Variants in INTS2 observed in about 807,000 individuals in gnomAD.
The protein encoded by INTS2 is KIAA1287.
In INTS2, 57 loss-of-function variants were observed where a neutral mutation model predicts 139.6. That is an observed-to-expected ratio of 0.41 (90% confidence interval 0.33 to 0.51). The LOEUF (loss-of-function observed/expected upper bound fraction) is 0.51. INTS2 is among the 20% of genes least tolerant of loss of function. The pLI is 0.28. For missense variants in INTS2, 1,196 were observed against 1,436.7 expected (o/e 0.83, Z 2.71); for synonymous variants, 473 against 493.4 (o/e 0.96, Z 0.55).
At chr17:61,883,028 C>A (rs917583916) in intron 16 of INTS2, among the ~76,000 whole-genome samples, 1 of 152,028 alleles carries the variant, frequency 6.6e-6, no homozygotes, top group African/African-American at 2.4e-5. Flanking sequence ...TCGTAACAAT[C>A]AAAAATGGCA....
chr17:61,925,748 G>A (rs2079705028), intron 2 of INTS2, among the ~76,000 whole-genome samples: 2 of 151,844 alleles, frequency 1.3e-5, no homozygotes, highest in Admixed American at 1.3e-4. Context: ...CAAGAGGCTG[G>A]GCCCAGTGGC....
At position 61,926,392 on chromosome 17, in the gene INTS2, G is replaced by T; in HGVS notation, c.253C>A (p.His85Asn). ...SIVALLSVDF[H>N]ALEQDASKEQ... is the part of the protein sequence containing the mutation. Reference sequence around the variant, plus strand: ...TTGCTGGCATCTTGTTCTAAAGCATGAAAGTCCACGGACAACAATGCAACA... The same window carrying T: ...TTGCTGGCATCTTGTTCTAAAGCATTAAAGTCCACGGACAACAATGCAACA... The change falls in exon 2 of 25, where the codon CAT (histidine) becomes AAT (asparagine). Residue 85 changes from histidine (H) to asparagine (N), a missense_variant. His to Asn is a moderately conservative substitution (Grantham distance 68). This residue lies in a region of INTS2 where 1,129 missense variants were observed against 1,341.9 expected (regional missense o/e 0.84). Coordinates refer to ENST00000251334, the MANE Select transcript of INTS2 (RefSeq NM_001351695.2). The T allele has an allele frequency of 1.2e-6, 2 of 1,610,452 alleles. No individual in the cohort carries two copies. The highest frequency in any genetic ancestry group is 1.7e-6 in the Non-Finnish European group (2 of 1,177,042).
In INTS2 at chr17:61,873,014, T is replaced by G. The variant is rs151213845; in HGVS notation, c.2583-554A>C. 6.6e-6 allele frequency among the ~76,000 whole-genome samples: 1 copy of G among 152,152 alleles called. No homozygotes were observed. The highest frequency in any genetic ancestry group is 2.4e-5 in the African/African-American group (1 of 41,432). ...TGTAAACCAGTTCAGCCTTTCTACA[T>G]AGTAGAATGAAAATCTGAATTAAAA... On this transcript the variant is annotated intron_variant, in intron 19 of 24. Coordinates refer to ENST00000251334, the MANE Select transcript of INTS2 (RefSeq NM_001351695.2). This position sits in a 1 kb window ranked among gnomAD's most constrained non-coding sequence, Gnocchi z 4.0.
chr17:61,899,866 C>T (rs997602416), intron 9 of INTS2, among the ~76,000 whole-genome samples: 2 of 149,188 alleles, frequency 1.3e-5, no homozygotes, highest in South Asian at 2.1e-4. Flanking sequence ...GAGCCCTGAT[C>T]GTGCCACTGG....
rs1163977056 is a variant in INTS2, at chr17:61,870,022, G to A, written c.2779-34C>T. 2 of 1,561,394 alleles carry A rather than the reference G, an allele frequency of 1.3e-6. No individual in the cohort carries two copies. Among genetic ancestry groups the A allele is most frequent in the South Asian group, 1.2e-5 (1 of 84,890 alleles). On this transcript the variant is annotated intron_variant, in intron 20 of 24. Transcript: ENST00000251334. The surrounding 1 kb of genome is among the most constrained non-coding windows in gnomAD (Gnocchi z 4.4). Reference sequence around the variant, plus strand: ...AAACAAAACATAGAAAAAGTAAGAAGTTTCTAAGAAGTTAAAAAACAAATC... The same window carrying A: ...AAACAAAACATAGAAAAAGTAAGAAATTTCTAAGAAGTTAAAAAACAAATC...
intron 3 of INTS2, among the ~76,000 whole-genome samples, chr17:61,922,862 G>A (rs1266406401): frequency 6.6e-6 from 1 of 151,864 alleles, no homozygotes; most frequent in Non-Finnish European, 1.5e-5. Flanking sequence ...AGGATCACCT[G>A]AGGTCAGGAG....
At chr17:61,924,552 C>A (rs2079687681) in intron 3 of INTS2, among the ~76,000 whole-genome samples, 1 of 152,184 alleles carries the variant, frequency 6.6e-6, no homozygotes, top group African/African-American at 2.4e-5. Flanking sequence ...GGCACGGTGA[C>A]CCATGCCTGT....
chr17:61,921,838 A>G lies in INTS2; in HGVS notation c.433-11T>C. ...GTTGGACTCAGACACCTTAAAAAAG[A>G]AAAAAAAAAGATATAAACTCTATTA... On this transcript the variant is annotated splice_polypyrimidine_tract_variant and intron_variant, in intron 3 of 24. Transcript: ENST00000251334. 1 of 1,207,568 alleles carries G rather than the reference A, an allele frequency of 8.3e-7. No homozygotes were observed. Among genetic ancestry groups the G allele is most frequent in the East Asian group, 2.5e-5 (1 of 39,614 alleles). The allele number at this position is 1,207,568 out of a possible 1,614,324, so 74.8% of individuals were successfully genotyped here.
At chr17:61,904,744 GA>G (rs1354957474) in intron 8 of INTS2, among the ~76,000 whole-genome samples, 159 bp from the exon 9 acceptor site, 1 of 152,136 alleles carries the variant, frequency 6.6e-6, no homozygotes, top group Non-Finnish European at 1.5e-5. Context: ...AAACTGTTGA[GA>G]AATTACAACT....
rs779816065 is a variant in INTS2, at chr17:61,884,970, A to G, written c.2020T>C (p.Ser674Pro). Reference protein sequence around the residue: ...MQRKPKSYSSSLMDQIPIKFL... With the variant: ...MQRKPKSYSSPLMDQIPIKFL... The stretch of plus-strand genomic sequence containing the variant: ...TTGATAGGAATCTGATCCATTAAAG[A>G]AGAAGAATATGATTTGGGCTTTCTT... Residue 674 changes from serine to proline, a missense_variant, in exon 16 of 25, where the codon TCT (serine) becomes CCT (proline). Physicochemically the swap from Ser to Pro is moderately conservative, Grantham distance 74 (BLOSUM62 -1). Around this residue, in one of 3 missense-constraint regions of INTS2, gnomAD observed 1,129 missense variants for 1,341.9 expected, o/e 0.84. Coordinates refer to ENST00000251334, the MANE Select transcript of INTS2 (RefSeq NM_001351695.2). The G allele has an allele frequency of 4.4e-6, 7 of 1,606,718 alleles. No homozygotes were observed. The highest frequency in any genetic ancestry group is 6.0e-6 in the Non-Finnish European group (7 of 1,176,070).
chr17:61,914,232 T>G (rs2079554758), intron 5 of INTS2, among the ~76,000 whole-genome samples: 1 of 152,190 alleles, frequency 6.6e-6, no homozygotes, highest in Non-Finnish European at 1.5e-5. Flanking sequence ...GCTGTATTAT[T>G]CAGACAAAGT....
intron 9 of INTS2, among the ~76,000 whole-genome samples, chr17:61,901,142 G>A (rs1046207424): frequency 2.0e-5 from 3 of 151,986 alleles, no homozygotes; most frequent in Non-Finnish European, 4.4e-5. Context: ...GCCAGGTGTG[G>A]TGGCCCACAC....
Position 61,865,874 on chromosome 17 carries a change from C to A in INTS2, c.*1683G>T, listed in dbSNP as rs2079041078. Reference sequence around the variant, plus strand: ...CATCTAATAAAAAGTTATAAATATTCTATCACATGTGATACTATGCACTTC... The same window carrying A: ...CATCTAATAAAAAGTTATAAATATTATATCACATGTGATACTATGCACTTC... On this transcript the variant is annotated 3_prime_UTR_variant, in exon 25 of 25. Transcript: ENST00000251334. The surrounding 1 kb of genome is among the most constrained non-coding windows in gnomAD (Gnocchi z 4.8). 1 of 152,372 alleles carries A rather than the reference C, an allele frequency of 6.6e-6. No individual in the cohort carries two copies. The highest frequency in any genetic ancestry group is 2.1e-4 in the South Asian group (1 of 4,834). 9.4% of individuals were successfully genotyped at this position (152,372 alleles called of 1,614,324 possible).
intron 19 of INTS2, 113 bp downstream of exon 19, chr17:61,874,800 C>T: frequency 1.3e-6 from 1 of 775,044 alleles, no homozygotes; most frequent in Non-Finnish European, 1.8e-6. Context: ...GGTCACACTG[C>T]CTACTTATCT....
In INTS2 at chr17:61,882,804, C is replaced by A. The variant is rs912806478; in HGVS notation, c.2090-1633G>T. 6.6e-6 allele frequency among the ~76,000 whole-genome samples: 1 copy of A among 152,192 alleles called. No homozygotes were observed. The highest frequency in any genetic ancestry group is 1.5e-5 in the Non-Finnish European group (1 of 68,026). On this transcript the variant is annotated intron_variant, in intron 16 of 24. Transcript: ENST00000251334. This position sits in a 1 kb window ranked among gnomAD's most constrained non-coding sequence, Gnocchi z 4.7. Reference sequence around the variant, plus strand: ...AAGTACTACTATGCTAAGTGCTTCACACATAAGTACCTAATAAATATTGTT... The same window carrying A: ...AAGTACTACTATGCTAAGTGCTTCAAACATAAGTACCTAATAAATATTGTT...
chr17:61,926,450 G>C lies in INTS2; in HGVS notation c.195C>G (p.Arg65=). 1 of 1,613,984 alleles carries C rather than the reference G, an allele frequency of 6.2e-7. No individual in the cohort carries two copies. The highest frequency in any genetic ancestry group is 8.5e-7 in the Non-Finnish European group (1 of 1,179,878). Residue 65 remains arginine (R), a synonymous_variant, in exon 2 of 25, where the codon CGC becomes CGG. Transcript: ENST00000251334. ...TGACAGCTTCCACTCCAGAAAGAAG[G>C]CGAAGGATGAGTTTCTTATCCTGAG... The part of the protein sequence containing the change: ...SWAQDKKLIL[R]LLSGVEAVNS...
chr17:61,905,361 C>G (rs2079450263), intron 8 of INTS2, among the ~76,000 whole-genome samples: 1 of 152,196 alleles, frequency 6.6e-6, no homozygotes, highest in Non-Finnish European at 1.5e-5. Flanking sequence ...GAGTCTCACC[C>G]TGTCGCCCAG....
At chr17:61,884,512 CAAACA>C (rs2079207063) in intron 16 of INTS2, among the ~76,000 whole-genome samples, 1 of 151,808 alleles carries the variant, frequency 6.6e-6, no homozygotes, top group Admixed American at 6.6e-5. Context: ...AACAAACAAA[CAAACA>C]AAAGAGGTAG....
At chr17:61,885,936 G>A (rs1439494153) in intron 15 of INTS2, among the ~76,000 whole-genome samples, 1 of 151,258 alleles carries the variant, frequency 6.6e-6, no homozygotes, top group Non-Finnish European at 1.5e-5. Flanking sequence ...CACTGTGTTA[G>A]CCAGGATGGT....
Sources: allele counts gnomAD v4.1 joint callset (sites outside exome capture counted in the v4.1 genomes callset), GRCh38; gene constraint gnomAD v4.1.1; regional missense constraint gnomAD v4.1.1; non-coding constraint Gnocchi (gnomAD v3.1); transcripts MANE v1.5; gene names NCBI Gene and HGNC (gene_info 2026-07-23, HGNC 2026-07-21).